Variants in CNKSR3 observed in about 807,000 individuals in gnomAD.
The protein encoded by CNKSR3 is CNKSR family member 3, also known as connector enhancer of kinase suppressor of ras 3.
In CNKSR3, 36 loss-of-function variants were observed where a neutral mutation model predicts 67.7. That is an observed-to-expected ratio of 0.53 (90% CI 0.41 to 0.70). The LOEUF (loss-of-function observed/expected upper bound fraction) is 0.70, where lower values mean the gene tolerates loss of function less well. Ranked by LOEUF, CNKSR3 falls within the 30% of genes least tolerant of loss-of-function variation. The probability of loss-of-function intolerance (pLI) is 0.00; values close to 1 mark genes in which losing one functional copy is unlikely to be tolerated. For synonymous variants in CNKSR3, 281 were observed against 271.4 expected (o/e 1.04, Z -0.35); for missense variants, 630 against 695.2 (o/e 0.91, Z 1.05).
intron 1 of CNKSR3, among the ~76,000 whole-genome samples, chr6:154,464,641 G>A (rs983340089): frequency 6.6e-6 from 1 of 151,384 alleles, no homozygotes. Flanking sequence ...GCTTGAACCC[G>A]AGAGGTGGAG....
chr6:154,505,479 A>G (rs1210110568), intron 1 of CNKSR3, among the ~76,000 whole-genome samples: 3 of 146,882 alleles, frequency 2.0e-5, no homozygotes, highest in Non-Finnish European at 4.4e-5. Flanking sequence ...CAACTACACA[A>G]TTTTATTATT....
At chr6:154,477,802 C>T (rs1786484551) in intron 1 of CNKSR3, among the ~76,000 whole-genome samples, 1 of 152,186 alleles carries the variant, frequency 6.6e-6, no homozygotes, top group South Asian at 2.1e-4. Context: ...GTCATCAGCT[C>T]TCCTGCCATC....
rs1784571110 is a variant in CNKSR3 at position 154,388,325 on chromosome 6, G to A, written c.*18029C>T. The A allele has an allele frequency of 6.6e-6, 1 of 152,160 alleles. No homozygotes were observed. Among genetic ancestry groups the A allele is most frequent in the Admixed American group, 6.5e-5 (1 of 15,278 alleles). The allele number at this position is 152,160 out of a possible 1,614,324, so 9.4% of individuals were successfully genotyped here. A position where few individuals can be genotyped will look rare whatever the true frequency, so the allele number is the denominator to read the frequency against. Reference sequence around the variant, plus strand: ...AATGTCCTTAAGATTTATCCATGTTGTTGAATAATTGCAGAATTTCCTTCT... The same window carrying A: ...AATGTCCTTAAGATTTATCCATGTTATTGAATAATTGCAGAATTTCCTTCT... On this transcript the variant is annotated 3_prime_UTR_variant, in exon 13 of 13. Coordinates refer to ENST00000607772, the MANE Select transcript of CNKSR3 (RefSeq NM_173515.4).
At chr6:154,439,662 C>G (rs780254067) in intron 4 of CNKSR3, among the ~76,000 whole-genome samples, 4 of 152,104 alleles carry the variant, frequency 2.6e-5, no homozygotes, top group Non-Finnish European at 4.4e-5. Context: ...GAGGTAGAGG[C>G]AGGGGAATTA....
chr6:154,453,354 TGA>T (rs1170241132), intron 1 of CNKSR3, among the ~76,000 whole-genome samples: 2 of 152,136 alleles, frequency 1.3e-5, no homozygotes, highest in African/African-American at 4.8e-5. Flanking sequence ...GGAGGAATGG[TGA>T]GAGTTCTAGA....
chr6:154,451,181 G>A (rs922987024), intron 1 of CNKSR3, among the ~76,000 whole-genome samples: 12 of 152,282 alleles, frequency 7.9e-5, no homozygotes, highest in African/African-American at 2.6e-4. Context: ...CAAAAGTGCC[G>A]TATTTTAATG....
chr6:154,413,891 G>A (rs1462851711), intron 10 of CNKSR3, among the ~76,000 whole-genome samples: 1 of 152,044 alleles, frequency 6.6e-6, no homozygotes, highest in Non-Finnish European at 1.5e-5. Flanking sequence ...GGGACTACAG[G>A]CATCTGCCAC....
intron 1 of CNKSR3, among the ~76,000 whole-genome samples, chr6:154,505,018 T>G (rs1158879327): frequency 3.3e-5 from 5 of 151,438 alleles, no homozygotes; most frequent in Non-Finnish European, 7.4e-5. Context: ...ATGAAGAGCT[T>G]TTCTGAACTA....
At chr6:154,469,438 C>A (rs1462139476) in intron 1 of CNKSR3, among the ~76,000 whole-genome samples, 7 of 152,150 alleles carry the variant, frequency 4.6e-5, no homozygotes, top group East Asian at 1.9e-4. Context: ...CTTTGTCCAG[C>A]CAGTTGGAGC....
intron 1 of CNKSR3, among the ~76,000 whole-genome samples, chr6:154,474,823 C>A (rs1036771806): frequency 6.6e-6 from 1 of 152,114 alleles, no homozygotes; most frequent in Non-Finnish European, 1.5e-5. Flanking sequence ...AAATGTGGCA[C>A]AAAAGAGAGA....
intron 1 of CNKSR3, among the ~76,000 whole-genome samples, chr6:154,467,908 C>T (rs1786237974): frequency 6.6e-6 from 1 of 151,108 alleles, no homozygotes; most frequent in Admixed American, 6.6e-5. Flanking sequence ...TACAGGTGCC[C>T]ACTACCACGC....
At chr6:154,425,694 A>G (rs1785240429) in intron 7 of CNKSR3, among the ~76,000 whole-genome samples, 1 of 152,178 alleles carries the variant, frequency 6.6e-6, no homozygotes, top group Admixed American at 6.5e-5. Flanking sequence ...CTGACTTTGG[A>G]ATGATCCTGG....
chr6:154,502,675 G>A (rs1160368952), intron 1 of CNKSR3, among the ~76,000 whole-genome samples: 1 of 152,190 alleles, frequency 6.6e-6, no homozygotes, highest in Non-Finnish European at 1.5e-5. Flanking sequence ...ATCTGCAGTG[G>A]AAACTGCCTT....
intron 2 of CNKSR3, among the ~76,000 whole-genome samples, chr6:154,446,483 G>C (rs1457995921): frequency 6.6e-6 from 1 of 152,166 alleles, no homozygotes; most frequent in African/African-American, 2.4e-5. Flanking sequence ...AATACAACTT[G>C]CCAGCAAAAA....
At chr6:154,420,668 G>C (rs553704724) in intron 9 of CNKSR3, among the ~76,000 whole-genome samples, 1 of 111,494 alleles carries the variant, frequency 9.0e-6, no homozygotes, top group South Asian at 3.2e-4. Context: ...CAGCCTGGGC[G>C]ACAGAGCGAG....
At chr6:154,412,185 C>T (rs1414689944) in intron 10 of CNKSR3, among the ~76,000 whole-genome samples, 1 of 152,192 alleles carries the variant, frequency 6.6e-6, no homozygotes, top group South Asian at 2.1e-4. Flanking sequence ...GGGATGGCAT[C>T]CACCTACCCC....
At chr6:154,407,887 A>AAAAC (rs1253683426) in intron 12 of CNKSR3, among the ~76,000 whole-genome samples, 2 of 151,206 alleles carry the variant, frequency 1.3e-5, no homozygotes, top group African/African-American at 2.4e-5. Context: ...AAAAAAAAAA[A>AAAAC]AAAAAAAACC....
At chr6:154,469,684 A>G (rs143634520) in intron 1 of CNKSR3, among the ~76,000 whole-genome samples, 100 of 152,348 alleles carry the variant, frequency 6.6e-4, no homozygotes, top group African/African-American at 2.2e-3. Context: ...AAAGTGTACA[A>G]TTCAGTGGAT....
chr6:154,423,676 A>T (rs1785194067), intron 7 of CNKSR3, among the ~76,000 whole-genome samples: 1 of 152,250 alleles, frequency 6.6e-6, no homozygotes, highest in African/African-American at 2.4e-5. Context: ...AACGTGGAAA[A>T]TCATCTTTGT....
Sources: allele counts gnomAD v4.1 joint callset (sites outside exome capture counted in the v4.1 genomes callset), GRCh38; gene constraint gnomAD v4.1.1; transcripts MANE v1.5; gene names NCBI Gene and HGNC (gene_info 2026-07-23, HGNC 2026-07-21).